FAM3C: variants seen among roughly 807,000 people sequenced by gnomAD.
The protein encoded by FAM3C is FAM3 metabolism regulating signaling molecule C.
Under a neutral mutation model 32.5 loss-of-function variants are expected in FAM3C, and 15 were observed. The observed-to-expected ratio is 0.46, with a 90% CI of 0.31 to 0.71. The LOEUF (loss-of-function observed/expected upper bound fraction) is 0.71. FAM3C is among the 30% of genes least tolerant of loss of function. FAM3C has a pLI of 0.05. For missense variants in FAM3C, 175 were observed against 274.4 expected (o/e 0.64, Z 2.56); for synonymous variants, 75 against 86.1 (o/e 0.87, Z 0.72).
At chr7:121,394,198 T>C (rs10248073) in intron 1 of FAM3C, among the ~76,000 whole-genome samples, 5,232 of 152,282 alleles carry the variant, frequency 0.034, 327 homozygotes, top group African/African-American at 0.12. Context: ...AATGAATCGT[T>C]CAAAACCTAA....
intron 2 of FAM3C, among the ~76,000 whole-genome samples, chr7:121,382,541 G>A (rs908332866): frequency 7.3e-6 from 1 of 136,230 alleles, no homozygotes; most frequent in African/African-American, 2.9e-5. Flanking sequence ...ATTATATACA[G>A]TCTTTAGGTT....
At chr7:121,375,281 G>A (rs1434960838) in intron 3 of FAM3C, among the ~76,000 whole-genome samples, 1 of 152,278 alleles carries the variant, frequency 6.6e-6, no homozygotes. Flanking sequence ...TGAGAAAGAT[G>A]TGCAGGGTGA....
At chr7:121,373,198 A>G (rs2536154) in intron 3 of FAM3C, among the ~76,000 whole-genome samples, 1 of 86,340 alleles carries the variant, frequency 1.2e-5, no homozygotes, top group African/African-American at 7.6e-5. Flanking sequence ...ACTACTTAAA[A>G]TCAGGATTTT....
At chr7:121,388,399 G>A (rs1385268021) in intron 1 of FAM3C, among the ~76,000 whole-genome samples, 1 of 151,812 alleles carries the variant, frequency 6.6e-6, no homozygotes, top group Non-Finnish European at 1.5e-5. Flanking sequence ...TTTTGAAAAG[G>A]GAAAAAAAGG....
intron 3 of FAM3C, among the ~76,000 whole-genome samples, chr7:121,374,005 A>G (rs1794196097): frequency 6.6e-6 from 1 of 152,068 alleles, no homozygotes; most frequent in Admixed American, 6.5e-5. Context: ...CAAAAAAAAA[A>G]AAGAAAAAAA....
At chr7:121,370,481 A>T (rs1295263457) in intron 5 of FAM3C, among the ~76,000 whole-genome samples, 1 of 152,188 alleles carries the variant, frequency 6.6e-6, no homozygotes, top group Non-Finnish European at 1.5e-5. Context: ...TGACAAATTT[A>T]TTATTTTATA....
chr7:121,379,417 G>A (rs1344452548), intron 2 of FAM3C, among the ~76,000 whole-genome samples: 2 of 151,754 alleles, frequency 1.3e-5, no homozygotes, highest in African/African-American at 2.4e-5. Flanking sequence ...TGGAACTTCT[G>A]GGGATGCTAA....
intron 3 of FAM3C, among the ~76,000 whole-genome samples, 197 bp from the exon 4 acceptor site, chr7:121,372,336 G>A (rs113063397): frequency 2.6e-5 from 4 of 152,092 alleles, no homozygotes; most frequent in African/African-American, 9.6e-5. Context: ...TAATTATGGA[G>A]GATAGTATTT....
At chr7:121,378,187 CG>C (rs1794277291) in intron 3 of FAM3C, among the ~76,000 whole-genome samples, 1 of 150,978 alleles carries the variant, frequency 6.6e-6, no homozygotes, top group Non-Finnish European at 1.5e-5. Flanking sequence ...ATTTTATGAA[CG>C]TAAGGATTCT....
intron 8 of FAM3C, among the ~76,000 whole-genome samples, chr7:121,358,963 A>T (rs1793869746): frequency 6.6e-6 from 1 of 151,972 alleles, no homozygotes; most frequent in Non-Finnish European, 1.5e-5. Flanking sequence ...GTCAAAAGAC[A>T]ATTTACATAA....
At chr7:121,357,658 C>A (rs564100219) in intron 8 of FAM3C, among the ~76,000 whole-genome samples, 10 of 152,222 alleles carry the variant, frequency 6.6e-5, no homozygotes. Flanking sequence ...CAACTCAATT[C>A]ATTTAAATTC....
chr7:121,385,601 T>C (rs1323900967), intron 1 of FAM3C, among the ~76,000 whole-genome samples: 1 of 152,190 alleles, frequency 6.6e-6, no homozygotes, highest in East Asian at 1.9e-4. Context: ...GAAATCAAGC[T>C]ACTATGTGAA....
chr7:121,394,265 T>C (rs914954375), intron 1 of FAM3C, among the ~76,000 whole-genome samples: 1 of 152,238 alleles, frequency 6.6e-6, no homozygotes, highest in Non-Finnish European at 1.5e-5. Context: ...ACATTACTTT[T>C]TGCCATTCCA....
chr7:121,374,160 T>C (rs1047085965), intron 3 of FAM3C, among the ~76,000 whole-genome samples: 3 of 152,204 alleles, frequency 2.0e-5, no homozygotes, highest in African/African-American at 2.4e-5. Context: ...TGTATCCATG[T>C]TGATGTCCTG....
chr7:121,368,893 C>T (rs1794081142), intron 5 of FAM3C, among the ~76,000 whole-genome samples: 1 of 151,796 alleles, frequency 6.6e-6, no homozygotes, highest in Admixed American at 6.6e-5. Context: ...TCCATCCACT[C>T]TCGCCAGTAC....
intron 8 of FAM3C, among the ~76,000 whole-genome samples, chr7:121,352,324 T>C (rs1305826126): frequency 1.3e-5 from 2 of 152,038 alleles, no homozygotes; most frequent in Admixed American, 1.3e-4. Flanking sequence ...TTATGGTTTT[T>C]TTAAAAAAGC....
intron 8 of FAM3C, among the ~76,000 whole-genome samples, chr7:121,357,072 C>T (rs1219531196): frequency 6.6e-6 from 1 of 152,126 alleles, no homozygotes; most frequent in East Asian, 1.9e-4. Flanking sequence ...ACTTCTTTGA[C>T]CATTATATGT....
At chr7:121,362,648 T>A (rs74400620) in intron 7 of FAM3C, 12,220 of 427,408 alleles carry the variant, frequency 0.029, 441 homozygotes, top group South Asian at 0.11. Context: ...TGACTTTTTT[T>A]AAAAAAATCT....
At chr7:121,396,372 C>T (rs550178528), upstream of FAM3C, 3 of 152,168 alleles carry the variant, frequency 2.0e-5, no homozygotes, top group East Asian at 1.9e-4. Flanking sequence ...GACCAATGGG[C>T]CCCCGCCGCC....
Sources: allele counts gnomAD v4.1 joint callset (sites outside exome capture counted in the v4.1 genomes callset), GRCh38; gene constraint gnomAD v4.1.1; transcripts MANE v1.5; gene names NCBI Gene and HGNC (gene_info 2026-07-23, HGNC 2026-07-21).